DDX18: variants seen among roughly 807,000 people sequenced by gnomAD.
The protein encoded by DDX18 is DEAD-box helicase 18, also known as ATP-dependent RNA helicase DDX18.
DDX18 carries 23 observed loss-of-function variants against 73.5 expected under a neutral mutation model. The ratio of observed to expected loss-of-function variants is 0.31; its 90% CI spans 0.23 to 0.44. The LOEUF is 0.44. DDX18 is among the 20% of genes least tolerant of loss of function. The pLI is 1.00. For synonymous variants in DDX18, 268 were observed against 282.7 expected, an observed-to-expected ratio of 0.95 and a Z score of 0.52; for missense variants, 753 against 792.9, an observed-to-expected ratio of 0.95 and a Z score of 0.60.
intron 3 of DDX18, among the ~76,000 whole-genome samples, chr2:117,820,825 A>G (rs140603398): frequency 7.2e-5 from 11 of 152,066 alleles, no homozygotes; most frequent in Non-Finnish European, 1.3e-4. Flanking sequence ...TTTCACTTTT[A>G]TATCAGATTT....
chr2:117,817,308 G>A lies in DDX18; in HGVS notation c.86-136G>A, dbSNP rs571931017. The A allele has an allele frequency of 1.1e-5, 9 of 844,728 alleles. No homozygotes were observed. The South Asian group carries it at 1.5e-4, about 14-fold the overall frequency. The allele number at this position is 844,728 out of a possible 1,614,324, so 52.3% of individuals were successfully genotyped here. The stretch of plus-strand genomic sequence containing the variant: ...AGGGAACACCATAAAACTATAAGTT[G>A]TTTTAATTACATGAAAGAGAAGAAA... On this transcript the variant is annotated intron_variant, in intron 1 of 13. Transcript: ENST00000263239.
Position 117,821,985 on chromosome 2 carries a change from C to T in DDX18, c.875C>T (p.Ser292Phe). 6.2e-7 allele frequency: 1 copy of T among 1,614,050 alleles called. No individual in the cohort carries two copies. Among genetic ancestry groups the T allele is most frequent in the South Asian group, 1.1e-5 (1 of 91,086 alleles). ...TTGATAATGGGTGGCAGTAACAGAT[C>T]TGCTGAAGCACAGAAACTTGGTAAT... Reference protein sequence around the residue: ...YGLIMGGSNRSAEAQKLGNGI... With the variant: ...YGLIMGGSNRFAEAQKLGNGI... The change falls in exon 6 of 14, where the codon TCT becomes TTT. Residue 292 changes from serine (S) to phenylalanine (F), a missense_variant. By Grantham distance (155) the Ser-to-Phe change is radical. Transcript: ENST00000263239.
At chr2:117,824,548 T>C in intron 7 of DDX18, 21 bp from the exon 8 acceptor site, 1 of 1,355,838 alleles carries the variant, frequency 7.4e-7, no homozygotes, top group Non-Finnish European at 9.6e-7. Flanking sequence ...TTGGGGTTAT[T>C]TTTATATGTA....
At chr2:117,822,336 CTG>C (rs1337826119) in intron 7 of DDX18, 75 bp downstream of exon 7, 3 of 1,191,760 alleles carry the variant, frequency 2.5e-6, no homozygotes, top group Non-Finnish European at 3.7e-6. Flanking sequence ...TATAGAAAAA[CTG>C]TACTAATGCC....
At position 117,832,173 on chromosome 2, in the gene DDX18, T is replaced by G. The variant is rs969916851; in HGVS notation, c.*1449T>G. ...TTTTTTTTTCAGAAATAATGTTTTT[T>G]AAAAGACAAAAACAAAGGGAAGAAT... On this transcript the variant is annotated 3_prime_UTR_variant, in exon 14 of 14. Transcript: ENST00000263239. 3 of 152,198 alleles carry G rather than the reference T, an allele frequency of 2.0e-5. No individual in the cohort carries two copies. The highest frequency in any genetic ancestry group is 4.4e-5 in the Non-Finnish European group (3 of 68,036). The allele number at this position is 152,198 out of a possible 1,614,324, so 9.4% of individuals were successfully genotyped here.
intron 11 of DDX18, chr2:117,826,719 T>TA: frequency 3.8e-6 from 1 of 264,104 alleles, no homozygotes; most frequent in South Asian, 5.7e-5. Context: ...TCTTTCCTCT[T>TA]ACCTCATGTG....
chr2:117,819,965 G>A (rs933913982), intron 3 of DDX18, among the ~76,000 whole-genome samples, 173 bp downstream of exon 3: 1 of 152,066 alleles, frequency 6.6e-6, no homozygotes, highest in African/African-American at 2.4e-5. Flanking sequence ...CTATTTTGTG[G>A]TGTTTTAGTT....
Position 117,829,012 on chromosome 2 carries a change from G to A in DDX18, c.1692+7G>A, listed in dbSNP as rs781086720. On this transcript the variant is annotated splice_region_variant and intron_variant, in intron 12 of 13. Transcript: ENST00000263239. ...TTCTGACATTCAGTCTCAGGTATGT[G>A]CTTTTTAAACGTTTGTGAGTAAACA... 4.3e-6 allele frequency: 7 copies of A among 1,610,564 alleles called. No individual in the cohort carries two copies. In the African/African-American group the frequency reaches 9.3e-5, roughly 22 times the overall value.
At chr2:117,826,158 C>T (rs554787155) in intron 10 of DDX18, 111 bp from the exon 11 acceptor site, 3 of 825,800 alleles carry the variant, frequency 3.6e-6, no homozygotes, top group African/African-American at 1.7e-5. Flanking sequence ...GGCCCAGCAC[C>T]GTGGGACTAC....
rs1026371381 is a variant in DDX18 at position 117,822,377 on chromosome 2, T to C, written c.1066+116T>C. On this transcript the variant is annotated intron_variant, in intron 7 of 13. Transcript: ENST00000263239. The stretch of plus-strand genomic sequence containing the variant: ...ACTTTACCATAGCCAAGTGAGGTAG[T>C]TGTGCCAATTAACCCGAAAGGTAAT... 5 of 721,420 alleles carry C rather than the reference T, an allele frequency of 6.9e-6. No homozygotes were observed. In the African/African-American group the frequency reaches 8.9e-5, roughly 13 times the overall value. The allele number at this position is 721,420 out of a possible 1,614,324, so 44.7% of individuals were successfully genotyped here. A position where few individuals can be genotyped will look rare whatever the true frequency, so the allele number is the denominator to read the frequency against.
intron 1 of DDX18, 139 bp downstream of exon 1, chr2:117,815,001 A>G (rs1679732330): frequency 2.4e-6 from 2 of 835,012 alleles, no homozygotes; most frequent in Non-Finnish European, 1.9e-6. Context: ...GTGAAAAGGC[A>G]GCTTCCACTC....
chr2:117,828,310 A>G (rs2104627001), intron 11 of DDX18: 1 of 152,332 alleles, frequency 6.6e-6, no homozygotes, highest in South Asian at 2.1e-4. Flanking sequence ...CAGGCAACCT[A>G]CAGAATGGGA....
At chr2:117,818,464 C>G (rs991369047) in intron 2 of DDX18, among the ~76,000 whole-genome samples, 3 of 152,170 alleles carry the variant, frequency 2.0e-5, no homozygotes, top group Non-Finnish European at 2.9e-5. Flanking sequence ...TGTATTTTAC[C>G]TGAAATAAGG....
chr2:117,824,909 A>G (rs1435757627), intron 8 of DDX18, 31 bp from the exon 9 acceptor site: 1 of 1,579,404 alleles, frequency 6.3e-7, no homozygotes, highest in African/African-American at 1.4e-5. Context: ...CACTTGGTTC[A>G]TTTGTATCTG....
At chr2:117,815,934 T>G (rs772131774) in intron 1 of DDX18, among the ~76,000 whole-genome samples, 9 of 152,204 alleles carry the variant, frequency 5.9e-5, no homozygotes, top group African/African-American at 2.2e-4. Flanking sequence ...CTACATGATA[T>G]AGCCTGTTGC....
At chr2:117,821,114 T>G in intron 3 of DDX18, 47 bp from the exon 4 acceptor site, 1 of 1,370,740 alleles carries the variant, frequency 7.3e-7, no homozygotes, top group Non-Finnish European at 9.4e-7. Context: ...CAATACTTTT[T>G]TAAAAAAAAA....
At chr2:117,823,418 T>G (rs1049351057) in intron 7 of DDX18, among the ~76,000 whole-genome samples, 4 of 152,166 alleles carry the variant, frequency 2.6e-5, no homozygotes, top group Non-Finnish European at 5.9e-5. Flanking sequence ...AAATTTCAAG[T>G]TCCAATTGCT....
At chr2:117,816,645 AATG>A (rs1284300560) in intron 1 of DDX18, among the ~76,000 whole-genome samples, 3 of 152,224 alleles carry the variant, frequency 2.0e-5, no homozygotes, top group East Asian at 3.9e-4. Flanking sequence ...TAAACTCTAA[AATG>A]ATGATCAAAA....
At position 117,824,795 on chromosome 2, in the gene DDX18, G is replaced by T. The variant is rs1050591226; in HGVS notation, c.1206+87G>T. On this transcript the variant is annotated intron_variant, in intron 8 of 13. Transcript: ENST00000263239. ...GGAAGGATCATTCAGAAAGCAAATGGGTTAATGAACTTTTAAAATGCTGTA... is the reference window on the plus strand; with the variant it reads ...GGAAGGATCATTCAGAAAGCAAATGTGTTAATGAACTTTTAAAATGCTGTA... The T allele has an allele frequency of 1.1e-5, 16 of 1,476,668 alleles. No individual in the cohort carries two copies. The East Asian group carries it at 1.9e-4, about 17-fold the overall frequency. The allele number at this position is 1,476,668 out of a possible 1,614,324, so 91.5% of individuals were successfully genotyped here.
Sources: allele counts gnomAD v4.1 joint callset (sites outside exome capture counted in the v4.1 genomes callset), GRCh38; gene constraint gnomAD v4.1.1; transcripts MANE v1.5; gene names NCBI Gene and HGNC (gene_info 2026-07-23, HGNC 2026-07-21).